Variants in OR10K2 observed in about 807,000 individuals in gnomAD.
OR10K2 encodes olfactory receptor 10K2.
For synonymous variants in OR10K2, 169 were observed against 146.4 expected (o/e 1.15, Z -1.11); for missense variants, 401 against 367.1 (o/e 1.09, Z -0.76).
Position 158,420,085 on chromosome 1 carries a change from C to A in OR10K2, c.782G>T (p.Arg261Met). 6.2e-7 allele frequency: 1 copy of A among 1,613,492 alleles called. No homozygotes were observed. Among genetic ancestry groups the A allele is most frequent in the East Asian group, 2.2e-5 (1 of 44,838 alleles). The change falls in exon 2 of 2, where the codon AGG becomes ATG. Residue 261 changes from arginine (R) to methionine (M), a missense_variant. Arg to Met is a moderately conservative substitution (Grantham distance 91, BLOSUM62 -1). Transcript: ENST00000641042. ...GCTTGAGGAGTAGTTGGACTGAGGC[C>A]TTAAGTAGATAAAGGAGGCACAGCC... The part of the protein sequence containing the change: ...HYGCASFIYL[R>M]PQSNYSSSQD...
chr1:158,421,677 T>C (rs1655159141), intron 1 of OR10K2, among the ~76,000 whole-genome samples: 2 of 152,132 alleles, frequency 1.3e-5, no homozygotes, highest in Admixed American at 6.6e-5. Flanking sequence ...TGGCCACTCT[T>C]ACATCTCTGC....
chr1:158,425,957 G>A lies in OR10K2; in HGVS notation c.-86C>T, dbSNP rs927541336. The A allele has an allele frequency of 6.6e-6, 1 of 152,086 alleles. No individual in the cohort carries two copies. Among genetic ancestry groups the A allele is most frequent in the Non-Finnish European group, 1.5e-5 (1 of 68,014 alleles). 9.4% of individuals were successfully genotyped at this position (152,086 alleles called of 1,614,324 possible). A position where few individuals can be genotyped will look rare whatever the true frequency, so the allele number is the denominator to read the frequency against. On this transcript the variant is annotated 5_prime_UTR_variant, in exon 1 of 2. Coordinates refer to ENST00000641042, the MANE Select transcript of OR10K2 (RefSeq NM_001004476.2). ...CCTGAAATGTGAAAACATAAGTCCT[G>A]CCAGAGGATAGATGTTTATTTTCAT...
At chr1:158,425,120 G>T (rs546324382) in intron 1 of OR10K2, among the ~76,000 whole-genome samples, 1 of 152,084 alleles carries the variant, frequency 6.6e-6, no homozygotes, top group South Asian at 2.1e-4. Flanking sequence ...GTTGGTTTTG[G>T]GAGGGATTTA....
chr1:158,424,860 G>A (rs115983845), intron 1 of OR10K2, among the ~76,000 whole-genome samples: 2 of 151,838 alleles, frequency 1.3e-5, no homozygotes, highest in African/African-American at 2.4e-5. Context: ...TTTCAACTTT[G>A]CTATGTATTA....
chr1:158,424,704 G>A (rs906455937), intron 1 of OR10K2, among the ~76,000 whole-genome samples: 2 of 147,968 alleles, frequency 1.4e-5, no homozygotes, highest in East Asian at 3.9e-4. Flanking sequence ...AGTTCACACA[G>A]CTGGTGGAAC....
Position 158,420,272 on chromosome 1 carries a change from T to C in OR10K2, c.595A>G (p.Ile199Val), listed in dbSNP as rs139600889. The C allele has an allele frequency of 8.7e-6, 14 of 1,613,568 alleles. No homozygotes were observed. In the African/African-American group the frequency reaches 1.9e-4, roughly 22 times the overall value. ...AGGACCAATGTACAGAGCATGAAGA[T>C]GACAATCTGACTAAAGTGGTTATGG... is the stretch of plus-strand genomic sequence containing the variant. ...SHHNHFSQIV[I>V]FMLCTLVLAI... The change falls in exon 2 of 2, where the codon ATC becomes GTC. Residue 199 changes from isoleucine to valine, a missense_variant. By Grantham distance (29) the Ile-to-Val change is conservative. Transcript: ENST00000641042.
rs147402175 is a variant in OR10K2 at position 158,420,055 on chromosome 1, T to C, written c.812A>G (p.Asp271Gly). 20 of 1,613,656 alleles carry C rather than the reference T, an allele frequency of 1.2e-5. No individual in the cohort carries two copies. The African/African-American group carries it at 2.4e-4, about 19-fold the overall frequency. ...AGTGTAGGATACTGATATTAGAGCA[T>C]CCTGGCTTGAGGAGTAGTTGGACTG... Reference protein sequence around the residue: ...RPQSNYSSSQDALISVSYTII... With the variant: ...RPQSNYSSSQGALISVSYTII... The change falls in exon 2 of 2, where the codon GAT becomes GGT. Residue 271 changes from aspartate to glycine, a missense_variant. Physicochemically the swap from Asp to Gly is moderately conservative, Grantham distance 94 (BLOSUM62 -1). Transcript: ENST00000641042.
chr1:158,423,205 T>C (rs925130536), intron 1 of OR10K2, among the ~76,000 whole-genome samples: 3 of 148,982 alleles, frequency 2.0e-5, no homozygotes, highest in African/African-American at 7.5e-5. Context: ...CTCTATCTTA[T>C]TCCTCTGGTT....
intron 1 of OR10K2, among the ~76,000 whole-genome samples, chr1:158,422,814 C>T (rs16840141): frequency 0.022 from 3,311 of 151,972 alleles, 115 homozygotes; most frequent in African/African-American, 0.075. Context: ...GCCTCTAGTT[C>T]ATGTTTCAAG....
intron 1 of OR10K2, among the ~76,000 whole-genome samples, chr1:158,424,231 TA>T (rs1202934598): frequency 6.6e-6 from 1 of 152,052 alleles, no homozygotes; most frequent in Non-Finnish European, 1.5e-5. Context: ...CTTTCAGAAT[TA>T]AAATGTAAGT....
At position 158,420,151 on chromosome 1, in the gene OR10K2, GA is replaced by G. The variant is rs1457366862; in HGVS notation, c.715del (p.Ser239LeufsTer22). ...AATAATGAGGTGAGATACACAGGTA[GA>G]AAAAGCTTTGCACCTACCCAGTGTG... ...PSTLGRCKAF[S>X]TCVSHLIIVT... On this transcript the variant is annotated frameshift_variant, in exon 2 of 2. Transcript: ENST00000641042. LOFTEE classifies it low-confidence loss of function (END_TRUNC). 1.2e-6 allele frequency: 2 copies of G among 1,613,580 alleles called. No individual in the cohort carries two copies. The highest frequency in any genetic ancestry group is 1.7e-6 in the Non-Finnish European group (2 of 1,179,858).
intron 1 of OR10K2, among the ~76,000 whole-genome samples, chr1:158,425,169 G>A (rs4656290): frequency 0.022 from 3,350 of 152,086 alleles, 51 homozygotes; most frequent in South Asian, 0.049. Context: ...GACTGGGAAA[G>A]GTATGTTGCA....
At chr1:158,424,145 TG>T (rs1403090436) in intron 1 of OR10K2, among the ~76,000 whole-genome samples, 5 of 152,076 alleles carry the variant, frequency 3.3e-5, no homozygotes, top group Non-Finnish European at 7.4e-5. Flanking sequence ...ATAAAAGTAC[TG>T]GCTGAGTCTA....
intron 1 of OR10K2, among the ~76,000 whole-genome samples, chr1:158,421,772 G>A (rs926834467): frequency 1.1e-4 from 17 of 151,998 alleles, no homozygotes; most frequent in African/African-American, 3.4e-4. Context: ...TTTTACTTAT[G>A]GCTATAGTAT....
chr1:158,423,405 A>G (rs996355854), intron 1 of OR10K2, among the ~76,000 whole-genome samples: 1 of 151,974 alleles, frequency 6.6e-6, no homozygotes, highest in East Asian at 1.9e-4. Flanking sequence ...TAGGCTTTAC[A>G]TTTTGACAGA....
chr1:158,420,048 T>C lies in OR10K2; in HGVS notation c.819A>G (p.Leu273=). Reference sequence around the variant, plus strand: ...TTATAATAGTGTAGGATACTGATATTAGAGCATCCTGGCTTGAGGAGTAGT... The same window carrying C: ...TTATAATAGTGTAGGATACTGATATCAGAGCATCCTGGCTTGAGGAGTAGT... ...QSNYSSSQDA[L]ISVSYTIITP... is the part of the protein sequence containing the mutation. The change falls in exon 2 of 2, where the codon CTA becomes CTG. Residue 273 remains leucine (L), a synonymous_variant. Transcript: ENST00000641042. 6.2e-7 allele frequency: 1 copy of C among 1,613,628 alleles called. No homozygotes were observed. The highest frequency in any genetic ancestry group is 8.5e-7 in the Non-Finnish European group (1 of 1,179,746).
In OR10K2 at chr1:158,420,556, A is replaced by G. The variant is rs755994562; in HGVS notation, c.311T>C (p.Phe104Ser). 3 of 1,613,920 alleles carry G rather than the reference A, an allele frequency of 1.9e-6. No homozygotes were observed. Among genetic ancestry groups the G allele is most frequent in the Non-Finnish European group, 8.5e-7 (1 of 1,179,916 alleles). Reference sequence around the variant, plus strand: ...GGAGTGAGAGCAGCCAAGGAAGAGGAAGGAAAACATTTGGATGGCACAGCC... The same window carrying G: ...GGAGTGAGAGCAGCCAAGGAAGAGGGAGGAAAACATTTGGATGGCACAGCC... Reference protein sequence around the residue: ...FLGCAIQMFSFLFLGCSHSFL... With the variant: ...FLGCAIQMFSSLFLGCSHSFL... The change falls in exon 2 of 2, where the codon TTC (phenylalanine) becomes TCC (serine). Residue 104 changes from phenylalanine to serine, a missense_variant. Phe to Ser is a radical substitution (Grantham distance 155, BLOSUM62 -2). Coordinates refer to ENST00000641042, the MANE Select transcript of OR10K2 (RefSeq NM_001004476.2).
At chr1:158,425,327 A>G (rs1655231381) in intron 1 of OR10K2, among the ~76,000 whole-genome samples, 1 of 152,098 alleles carries the variant, frequency 6.6e-6, no homozygotes, top group African/African-American at 2.4e-5. Context: ...CTAAGACTAG[A>G]AAGCAACTGA....
In OR10K2 at chr1:158,418,665, G is replaced by T. The variant is rs1376429475; in HGVS notation, c.*1263C>A. 2.6e-5 allele frequency: 4 copies of T among 152,066 alleles called. No individual in the cohort carries two copies. The highest frequency in any genetic ancestry group is 9.7e-5 in the African/African-American group (4 of 41,426). 9.4% of individuals were successfully genotyped at this position (152,066 alleles called of 1,614,324 possible). Reference sequence around the variant, plus strand: ...GTCATTGATGAACAGACTGGTGGAAGAAAAGGAAAAAACTTAGAAACAAAA... The same window carrying T: ...GTCATTGATGAACAGACTGGTGGAATAAAAGGAAAAAACTTAGAAACAAAA... On this transcript the variant is annotated 3_prime_UTR_variant, in exon 2 of 2. Transcript: ENST00000641042.
Sources: gnomAD v4.1 joint callset for allele counts (sites outside exome capture counted in the v4.1 genomes callset) on GRCh38, gnomAD v4.1.1 for gene constraint, MANE v1.5 for transcripts, NCBI Gene and HGNC (gene_info 2026-07-23, HGNC 2026-07-21) for gene names.